Variants in CALD1 observed in about 807,000 individuals in gnomAD.
CALD1 encodes caldesmon.
CALD1 carries 33 observed loss-of-function variants against 99.9 expected under a neutral mutation model. That is an observed-to-expected ratio of 0.33 (90% CI 0.25 to 0.44). The LOEUF is 0.44. CALD1 is among the 20% of genes least tolerant of loss of function. CALD1 has a pLI of 1.00. For synonymous variants in CALD1, 310 were observed against 325.0 expected, an observed-to-expected ratio of 0.95 and a Z score of 0.50; for missense variants, 861 against 962.1, an observed-to-expected ratio of 0.89 and a Z score of 1.39.
At chr7:134,825,827 G>A (rs1304171874) in intron 1 of CALD1, among the ~76,000 whole-genome samples, 1 of 152,114 alleles carries the variant, frequency 6.6e-6, no homozygotes, top group Non-Finnish European at 1.5e-5. Context: ...TTGCAACTGA[G>A]GGTAGATCCC....
chr7:134,802,571 T>C (rs767410393), intron 1 of CALD1, among the ~76,000 whole-genome samples: 12 of 152,194 alleles, frequency 7.9e-5, no homozygotes, highest in Admixed American at 2.0e-4. Context: ...AAAGCTATTG[T>C]AAGTTGAAAA....
chr7:134,749,727 A>T (rs1796669183), intron 1 of CALD1, among the ~76,000 whole-genome samples: 1 of 152,210 alleles, frequency 6.6e-6, no homozygotes, highest in South Asian at 2.1e-4. Context: ...TTCTAACACC[A>T]TGAAGGAATT....
At chr7:134,832,179 G>T (rs1799257550) in intron 1 of CALD1, among the ~76,000 whole-genome samples, 1 of 152,120 alleles carries the variant, frequency 6.6e-6, no homozygotes, top group Admixed American at 6.5e-5. Flanking sequence ...ATCTTACTTC[G>T]TCATTTTTGT....
At chr7:134,762,861 T>C (rs1032234016) in intron 1 of CALD1, among the ~76,000 whole-genome samples, 2 of 152,156 alleles carry the variant, frequency 1.3e-5, no homozygotes, top group Non-Finnish European at 2.9e-5. Context: ...CCAAATTATA[T>C]AGGGTTCTGA....
At chr7:134,801,425 G>A (rs1797937471) in intron 1 of CALD1, among the ~76,000 whole-genome samples, 1 of 151,946 alleles carries the variant, frequency 6.6e-6, no homozygotes, top group Admixed American at 6.6e-5. Context: ...CTATTTCTGG[G>A]TTCAAATTCC....
rs188036412 is a variant in CALD1, at chr7:134,801,127, T to G, written c.-130+21378T>G. ...TCTTTATTTTCTCCCTTCCTAGTGT[T>G]TTATTATGTTTATTGATTCCCTTTT... On this transcript the variant is annotated intron_variant, in intron 1 of 14. Coordinates refer to ENST00000361675, the MANE Select transcript of CALD1 (RefSeq NM_033138.4). Among the ~76,000 whole-genome samples, 666 of 152,242 alleles carry G rather than the reference T, an allele frequency of 4.4e-3. 7 individuals carry two copies. Among genetic ancestry groups the G allele is most frequent in the African/African-American group, 0.015 (629 of 41,564 alleles).
At position 134,968,856 on chromosome 7, in the gene CALD1, C is replaced by T. The variant is rs1808861514; in HGVS notation, c.*511C>T. ...TTTGAAATACTGCAATAATGGTTGT[C>T]TTTAAAAAAAAAAAAGAAATGTACT... On this transcript the variant is annotated 3_prime_UTR_variant, in exon 15 of 15. Transcript: ENST00000361675. 2 of 169,368 alleles carry T rather than the reference C, an allele frequency of 1.2e-5. No homozygotes were observed. Among genetic ancestry groups the T allele is most frequent in the Admixed American group, 5.7e-5 (1 of 17,534 alleles). The allele number at this position is 169,368 out of a possible 1,614,324, so 10.5% of individuals were successfully genotyped here. A position where few individuals can be genotyped will look rare whatever the true frequency, so the allele number is the denominator to read the frequency against.
At chr7:134,813,101 T>C (rs1798417000) in intron 1 of CALD1, among the ~76,000 whole-genome samples, 1 of 151,880 alleles carries the variant, frequency 6.6e-6, no homozygotes, top group Non-Finnish European at 1.5e-5. Flanking sequence ...AGATGAGAAT[T>C]GAGAATTGAT....
chr7:134,920,612 C>G, intron 3 of CALD1: 1 of 1,288,958 alleles, frequency 7.8e-7, no homozygotes, highest in Non-Finnish European at 1.0e-6. Flanking sequence ...AAATCTCCAT[C>G]GACCAACACT....
intron 1 of CALD1, among the ~76,000 whole-genome samples, chr7:134,812,754 AT>A (rs1798401669): frequency 6.6e-6 from 1 of 152,182 alleles, no homozygotes; most frequent in East Asian, 1.9e-4. Context: ...TTTGATTGGA[AT>A]TGTTAAATAA....
chr7:134,717,037 A>G, the CALD1 span, among the ~76,000 whole-genome samples: 1 of 152,296 alleles, frequency 6.6e-6, no homozygotes, highest in Non-Finnish European at 1.5e-5. Context: ...CTATCTGTCT[A>G]TAATATATTT....
chr7:134,773,231 T>C (rs1796890297), intron 1 of CALD1, among the ~76,000 whole-genome samples: 1 of 152,072 alleles, frequency 6.6e-6, no homozygotes, highest in South Asian at 2.1e-4. Context: ...ATCTTTTCTA[T>C]TCCAGCTTGC....
intron 9 of CALD1, among the ~76,000 whole-genome samples, chr7:134,953,416 G>A (rs1475020814): frequency 6.6e-6 from 1 of 152,024 alleles, no homozygotes; most frequent in East Asian, 1.9e-4. Context: ...GCAGAGGTTA[G>A]CTGGGCGCAG....
chr7:134,959,114 C>G (rs1476702773), intron 11 of CALD1, among the ~76,000 whole-genome samples: 1 of 151,672 alleles, frequency 6.6e-6, no homozygotes, highest in African/African-American at 2.4e-5. Context: ...ACTATCTTTC[C>G]TTTCTATTAA....
At chr7:134,891,710 C>CTTTT in intron 3 of CALD1, 2 of 970,782 alleles carry the variant, frequency 2.1e-6, no homozygotes, top group Non-Finnish European at 2.7e-6. Flanking sequence ...TTTTTCCTTT[C>CTTTT]TTTTTTTTTT....
rs559024692 is a variant in CALD1, at chr7:134,880,116, A to G, written c.71+12312A>G. ...TTTTCCTGTACCATTTAGGAACTCAACTGACGGTTTCCAGCAGATTGTTCA... is the reference window on the plus strand; with the variant it reads ...TTTTCCTGTACCATTTAGGAACTCAGCTGACGGTTTCCAGCAGATTGTTCA... On this transcript the variant is annotated intron_variant, in intron 3 of 14. Transcript: ENST00000361675. Among the ~76,000 whole-genome samples, 5 of 152,306 alleles carry G rather than the reference A, an allele frequency of 3.3e-5. No individual in the cohort carries two copies. The East Asian group carries it at 9.6e-4, about 29-fold the overall frequency.
intron 1 of CALD1, among the ~76,000 whole-genome samples, chr7:134,787,173 G>A (rs1245287629): frequency 1.3e-5 from 2 of 152,118 alleles, no homozygotes; most frequent in African/African-American, 4.8e-5. Flanking sequence ...TTGGCCAGAA[G>A]AGCAAAACCT....
At chr7:134,904,969 T>G (rs1315088334) in intron 3 of CALD1, among the ~76,000 whole-genome samples, 1 of 152,100 alleles carries the variant, frequency 6.6e-6, no homozygotes, top group Non-Finnish European at 1.5e-5. Context: ...ATTCTATTTG[T>G]TGGACATTTT....
At chr7:134,746,790 G>A (rs10262561) in intron 1 of CALD1, among the ~76,000 whole-genome samples, 1 of 152,136 alleles carries the variant, frequency 6.6e-6, no homozygotes, top group East Asian at 1.9e-4. Context: ...GAGAGAAAAG[G>A]CAATTCTATT....
Sources: gnomAD v4.1 joint callset for allele counts (sites outside exome capture counted in the v4.1 genomes callset) on GRCh38, gnomAD v4.1.1 for gene constraint, MANE v1.5 for transcripts, NCBI Gene and HGNC (gene_info 2026-07-23, HGNC 2026-07-21) for gene names.